The following LEF1 variants were observed in gnomAD, a reference collection of about 807,000 sequenced individuals.
LEF1 encodes the protein lymphoid enhancer-binding factor 1.
In LEF1, 14 loss-of-function variants were observed where a neutral mutation model predicts 51.2. The ratio of observed to expected loss-of-function variants is 0.27; its 90% confidence interval spans 0.18 to 0.43. The LOEUF is 0.43. Ranked by LOEUF, LEF1 falls within the 20% of genes least tolerant of loss-of-function variation. The pLI is 1.00. For synonymous variants in LEF1, 185 were observed against 183.2 expected, an observed-to-expected ratio of 1.01 and a Z score of -0.08; for missense variants, 386 against 512.0, an observed-to-expected ratio of 0.75 and a Z score of 2.37.
intron 3 of LEF1, among the ~76,000 whole-genome samples, chr4:108,140,476 T>C (rs1187304783): frequency 6.6e-6 from 1 of 152,222 alleles, no homozygotes; most frequent in African/African-American, 2.4e-5. Flanking sequence ...GGATTGATTT[T>C]TTGTTTTGAC....
chr4:108,119,398 T>C (rs189421222), intron 3 of LEF1, among the ~76,000 whole-genome samples: 161 of 152,174 alleles, frequency 1.1e-3, no homozygotes, highest in African/African-American at 3.6e-3. Flanking sequence ...TCATCATAAA[T>C]TTTCATTCAA....
chr4:108,127,781 G>A (rs1328313298), intron 3 of LEF1, among the ~76,000 whole-genome samples: 4 of 152,188 alleles, frequency 2.6e-5, no homozygotes, highest in Non-Finnish European at 5.9e-5. Flanking sequence ...TATGTAGCTT[G>A]TACAAGACAA....
Position 108,070,754 on chromosome 4 carries a change from C to T in LEF1, c.1025G>A (p.Arg342His), listed in dbSNP as rs200011152. 2.2e-5 allele frequency: 35 copies of T among 1,611,244 alleles called. No individual in the cohort carries two copies. The highest frequency in any genetic ancestry group is 2.9e-5 in the Non-Finnish European group (34 of 1,178,368). The change falls in exon 9 of 12, where the codon CGT becomes CAT. Residue 342 changes from arginine (R) to histidine (H), a missense_variant. By Grantham distance (29) the Arg-to-His change is conservative. This residue lies in a region of LEF1 where 51 missense variants were observed against 121.3 expected (regional missense o/e 0.42). Transcript: ENST00000265165. ...TTCATAATATTTAGCCTGCTCTTCACGGGAGAGGGCATGCCACTAAAACAG... is the reference window on the plus strand; with the variant it reads ...TTCATAATATTTAGCCTGCTCTTCATGGGAGAGGGCATGCCACTAAAACAG... ...ILGRRWHALS[R>H]EEQAKYYELA...
At chr4:108,081,045 C>T (rs1179632069) in intron 6 of LEF1, among the ~76,000 whole-genome samples, 1 of 152,132 alleles carries the variant, frequency 6.6e-6, no homozygotes, top group African/African-American at 2.4e-5. Context: ...GCCTGATTCA[C>T]ACACTAGGAC....
chr4:108,148,175 G>A (rs1744113148), intron 3 of LEF1, among the ~76,000 whole-genome samples: 1 of 151,930 alleles, frequency 6.6e-6, no homozygotes, highest in Admixed American at 6.6e-5. Flanking sequence ...TGGCAGCAAT[G>A]TTTATAAACT....
chr4:108,122,478 AT>A (rs1489650922), intron 3 of LEF1, among the ~76,000 whole-genome samples: 1 of 151,304 alleles, frequency 6.6e-6, no homozygotes, highest in Non-Finnish European at 1.5e-5. Flanking sequence ...CCACCCATTC[AT>A]TTTTGTTTTT....
chr4:108,111,028 A>G (rs996357825), intron 3 of LEF1, among the ~76,000 whole-genome samples: 2 of 152,244 alleles, frequency 1.3e-5, no homozygotes, highest in African/African-American at 4.8e-5. Context: ...AAATTGGATC[A>G]GTAATTTTCT....
chr4:108,124,507 C>G (rs1325123359), intron 3 of LEF1, among the ~76,000 whole-genome samples: 3 of 151,890 alleles, frequency 2.0e-5, no homozygotes, highest in African/African-American at 7.3e-5. Flanking sequence ...GTAGCTGGAA[C>G]TACAGGTGTA....
chr4:108,066,878 C>A (rs1378743288), intron 9 of LEF1, among the ~76,000 whole-genome samples: 1 of 152,062 alleles, frequency 6.6e-6, no homozygotes, highest in Non-Finnish European at 1.5e-5. Context: ...TATTAATTAG[C>A]CTGTTATTAG....
intron 3 of LEF1, among the ~76,000 whole-genome samples, chr4:108,151,320 AT>A (rs893199631): frequency 6.6e-6 from 1 of 152,196 alleles, no homozygotes; most frequent in African/African-American, 2.4e-5. Flanking sequence ...GAAATGTACA[AT>A]TTCCAATTTT....
At position 108,120,916 on chromosome 4, in the gene LEF1, T is replaced by G. The variant is rs141445464; in HGVS notation, c.415-31659A>C. ...AACTGTTTTCCTTAAAACAATAGGC[T>G]CATTTCACTTACTTTTGATAACCAA... is the stretch of plus-strand genomic sequence containing the variant. On this transcript the variant is annotated intron_variant, in intron 3 of 11. Coordinates refer to ENST00000265165, the MANE Select transcript of LEF1 (RefSeq NM_016269.5). Among the ~76,000 whole-genome samples, 960 of 152,346 alleles carry G rather than the reference T, an allele frequency of 6.3e-3. 11 individuals carry two copies. The highest frequency in any genetic ancestry group is 0.022 in the African/African-American group (903 of 41,590).
In LEF1 at chr4:108,167,891, G is replaced by T. The variant is rs1745518360; in HGVS notation, c.-124C>A. On this transcript the variant is annotated 5_prime_UTR_variant, in exon 1 of 12. Coordinates refer to ENST00000265165, the MANE Select transcript of LEF1 (RefSeq NM_016269.5). The surrounding 1 kb of genome is among the most constrained non-coding windows in gnomAD (Gnocchi z 5.7). ...GGAAGGGTTCGTGCAGCAGGACAGC[G>T]GGCGGAAGCGGGGCGGGCGAGCGCG... The T allele has an allele frequency of 4.3e-6, 3 of 695,334 alleles. No individual in the cohort carries two copies. Among genetic ancestry groups the T allele is most frequent in the African/African-American group, 1.8e-5 (1 of 54,564 alleles). The allele number at this position is 695,334 out of a possible 1,614,324, so 43.1% of individuals were successfully genotyped here. A position where few individuals can be genotyped will look rare whatever the true frequency, so the allele number is the denominator to read the frequency against.
chr4:108,103,082 G>A (rs185541503), intron 3 of LEF1, among the ~76,000 whole-genome samples: 4 of 152,326 alleles, frequency 2.6e-5, no homozygotes, highest in East Asian at 1.9e-4. Context: ...CGCAGCTCCC[G>A]TCACTACGTG....
At chr4:108,139,045 A>G (rs1743481014) in intron 3 of LEF1, among the ~76,000 whole-genome samples, 1 of 152,248 alleles carries the variant, frequency 6.6e-6, no homozygotes, top group Non-Finnish European at 1.5e-5. Context: ...CTAAAAATAC[A>G]GACTGAGATT....
At chr4:108,165,855 C>CA (rs1745355056) in intron 1 of LEF1, among the ~76,000 whole-genome samples, 1 of 152,274 alleles carries the variant, frequency 6.6e-6, no homozygotes, top group Admixed American at 6.5e-5. Context: ...CAAACACGTG[C>CA]AAATCAGTGG....
intron 3 of LEF1, among the ~76,000 whole-genome samples, chr4:108,111,621 T>C (rs143130375): frequency 9.2e-4 from 140 of 152,296 alleles, no homozygotes; most frequent in East Asian, 5.0e-3. Context: ...AGAAAGGTGC[T>C]GGCATACAGG....
In LEF1 at chr4:108,163,698, T is replaced by C. The variant is rs150539494; in HGVS notation, c.284A>G (p.Lys95Arg). The change falls in exon 3 of 12, where the codon AAG becomes AGG. Residue 95 changes from lysine to arginine, a missense_variant. This residue lies in a region of LEF1 where 335 missense variants were observed against 390.7 expected (regional missense o/e 0.86). Transcript: ENST00000265165. ...GTTGTAGAGGCCTCCATCTGGATGC[T>C]TTCCTGGGAAGATCCAAAGAACAAT... ...DKAREHPDDG[K>R]HPDGGLYNKG... 31 of 1,612,850 alleles carry C rather than the reference T, an allele frequency of 1.9e-5. No homozygotes were observed. Among genetic ancestry groups the C allele is most frequent in the Non-Finnish European group, 2.6e-5 (31 of 1,179,500 alleles).
chr4:108,111,032 AT>A (rs1216218907), intron 3 of LEF1, among the ~76,000 whole-genome samples: 3 of 152,198 alleles, frequency 2.0e-5, no homozygotes, highest in Non-Finnish European at 4.4e-5. Context: ...TGGATCAGTA[AT>A]TTTCTCTAAG....
rs1214848483 is a variant in LEF1, at chr4:108,047,569, T to G, written c.*1189A>C. ...AAAATGACAATTTTTAAAAATGTTTTATTACAAAGCTTCTTTTAAAAAAAT... is the reference window on the plus strand; with the variant it reads ...AAAATGACAATTTTTAAAAATGTTTGATTACAAAGCTTCTTTTAAAAAAAT... On this transcript the variant is annotated 3_prime_UTR_variant, in exon 12 of 12. Transcript: ENST00000265165. The G allele has an allele frequency of 1.3e-5, 2 of 152,292 alleles. No individual in the cohort carries two copies. The highest frequency in any genetic ancestry group is 3.8e-4 in the East Asian group (2 of 5,200). 9.4% of individuals were successfully genotyped at this position (152,292 alleles called of 1,614,324 possible).
Sources: gnomAD v4.1 joint callset for allele counts (sites outside exome capture counted in the v4.1 genomes callset) on GRCh38, gnomAD v4.1.1 for gene constraint, gnomAD v4.1.1 regional missense constraint, Gnocchi (gnomAD v3.1) non-coding constraint, MANE v1.5 for transcripts, NCBI Gene and HGNC (gene_info 2026-07-23, HGNC 2026-07-21) for gene names.